APOO: variants seen among roughly 807,000 people sequenced by gnomAD.
APOO encodes apolipoprotein O.
A neutral mutation model predicts 23.1 loss-of-function variants in APOO; 11 were observed. That is an observed-to-expected ratio of 0.48 (90% CI 0.30 to 0.79). APOO has a LOEUF of 0.79. Ranked by LOEUF, APOO falls within the 30% of genes least tolerant of loss-of-function variation. APOO has a pLI of 0.07. For synonymous variants in APOO, 59 were observed against 54.8 expected (o/e 1.08, Z -0.34); for missense variants, 160 against 142.7 (o/e 1.12, Z -0.62).
At chrX:23,889,940 C>A (rs912589351) in intron 1 of APOO, among the ~76,000 whole-genome samples, 34 of 110,435 alleles carry the variant, frequency 3.1e-4, no homozygotes, top group Non-Finnish European at 3.8e-4. Flanking sequence ...GGATTACAGG[C>A]GTCAGCCACC....
At chrX:23,844,531 G>C (rs1324694278) in intron 7 of APOO, among the ~76,000 whole-genome samples, 1 of 111,117 alleles carries the variant, frequency 9.0e-6, no homozygotes, top group Non-Finnish European at 1.9e-5. Context: ...CAAACGACTT[G>C]CTGCAGGCTT....
chrX:23,854,638 A>G (rs1012497144), intron 7 of APOO, among the ~76,000 whole-genome samples: 2 of 110,659 alleles, frequency 1.8e-5, no homozygotes, highest in Non-Finnish European at 3.8e-5. Context: ...CTCCTGCCTC[A>G]GCCTCCTGAG....
At chrX:23,894,727 C>T (rs890483474) in intron 1 of APOO, among the ~76,000 whole-genome samples, 2 of 108,850 alleles carry the variant, frequency 1.8e-5, no homozygotes, top group African/African-American at 6.7e-5. Flanking sequence ...ACCCTGGAGG[C>T]GGAGGTTGCA....
chrX:23,887,274 G>A (rs1312662122), intron 1 of APOO, among the ~76,000 whole-genome samples: 1 of 75,092 alleles, frequency 1.3e-5, no homozygotes, highest in Non-Finnish European at 2.3e-5. Context: ...TCCCTCTGTC[G>A]CCAGGCTGGA....
intron 5 of APOO, among the ~76,000 whole-genome samples, chrX:23,863,645 A>C (rs1382855968): frequency 1.8e-5 from 2 of 111,161 alleles, no homozygotes; most frequent in Non-Finnish European, 3.8e-5. Flanking sequence ...GCTTTTTTGA[A>C]AGTGACTTAA....
At chrX:23,862,850 A>G (rs1264197551) in intron 5 of APOO, among the ~76,000 whole-genome samples, 2 of 72,982 alleles carry the variant, frequency 2.7e-5, no homozygotes, top group Non-Finnish European at 5.2e-5. Flanking sequence ...GGGAAGGGAG[A>G]AGGAGGGAGG....
chrX:23,905,040 T>C (rs1164541476), intron 1 of APOO, among the ~76,000 whole-genome samples: 1 of 110,621 alleles, frequency 9.0e-6, no homozygotes, highest in Non-Finnish European at 1.9e-5. Context: ...TACATTTTGG[T>C]GTCCTCCAAG....
intron 1 of APOO, 37 bp downstream of exon 1, chrX:23,907,657 G>A (rs1212997656): frequency 8.7e-7 from 1 of 1,149,764 alleles, no homozygotes; most frequent in Admixed American, 2.7e-5. Flanking sequence ...GGCCGGGAGG[G>A]GGCGGTGACA....
intron 8 of APOO, among the ~76,000 whole-genome samples, chrX:23,835,511 T>C (rs1013798476): frequency 1.8e-4 from 20 of 112,247 alleles, no homozygotes; most frequent in Admixed American, 1.9e-4. Context: ...AGGAATTTGA[T>C]AGATTTATTG....
At position 23,878,921 on chromosome X, in the gene APOO, C is replaced by T; in HGVS notation, c.231G>A (p.Trp77Ter). 8.3e-7 allele frequency: 1 copy of T among 1,209,975 alleles called. No homozygotes were observed. The highest frequency in any genetic ancestry group is 1.1e-6 in the Non-Finnish European group (1 of 894,424). ...ATTTTCAGAACAGTTGTACCTGACA[C>T]CAGGTTGTGTATGGCTCGCAATAGT... ...LRHYCEPYTT[W>*]CQETYSQTKP... The change falls in exon 3 of 9, where the codon TGG (tryptophan) becomes TGA (stop). Residue 77 changes from tryptophan (W) to a stop codon, truncating the protein, a stop_gained. Coordinates refer to ENST00000379226, the MANE Select transcript of APOO (RefSeq NM_024122.5). LOFTEE classifies it high-confidence loss of function.
chrX:23,865,711 C>T (rs1925306163), intron 5 of APOO, among the ~76,000 whole-genome samples: 1 of 110,757 alleles, frequency 9.0e-6, no homozygotes, highest in South Asian at 3.8e-4. Context: ...ACCATTCTGG[C>T]TACCCACAGA....
chrX:23,876,434 A>G (rs1925858420), intron 3 of APOO, among the ~76,000 whole-genome samples: 2 of 107,027 alleles, frequency 1.9e-5, no homozygotes, highest in South Asian at 4.0e-4. Context: ...AAAAAAAAAA[A>G]AAAAGAAAAA....
chrX:23,866,321 T>C (rs959275728), intron 5 of APOO, among the ~76,000 whole-genome samples: 3 of 111,934 alleles, frequency 2.7e-5, no homozygotes, highest in Non-Finnish European at 5.6e-5. Flanking sequence ...GGGAAAAATG[T>C]TGGTTCATAA....
intron 5 of APOO, among the ~76,000 whole-genome samples, chrX:23,863,487 A>T (rs996060325): frequency 7.1e-5 from 8 of 112,056 alleles, no homozygotes; most frequent in African/African-American, 2.6e-4. Flanking sequence ...ACTGACTCTC[A>T]CATCTACAAC....
chrX:23,875,470 G>T (rs1312163811), intron 3 of APOO, among the ~76,000 whole-genome samples: 2 of 101,337 alleles, frequency 2.0e-5, no homozygotes, highest in Non-Finnish European at 2.0e-5. Context: ...CCAGGCTGGA[G>T]TGCAGTGGCG....
chrX:23,854,588 T>C lies in APOO; in HGVS notation c.561+1714A>G, dbSNP rs1924696542. On this transcript the variant is annotated intron_variant, in intron 7 of 8. Coordinates refer to ENST00000379226, the MANE Select transcript of APOO (RefSeq NM_024122.5). ...CAGGCTAGAGTACAGTGGCGCAATC[T>C]TGGCTGACTGCAACCTCTGCCTCCT... Among the ~76,000 whole-genome samples the C allele has an allele frequency of 2.7e-5, 3 of 111,539 alleles. No individual in the cohort carries two copies. The Admixed American group carries it at 2.9e-4, about 11-fold the overall frequency.
chrX:23,858,858 T>G, intron 5 of APOO, 125 bp from the exon 6 acceptor site: 9 of 578,206 alleles, frequency 1.6e-5, no homozygotes, highest in Non-Finnish European at 1.8e-5. Context: ...CCAAAAGCTC[T>G]GGGAGGCCGA....
At chrX:23,837,978 T>TCTAC (rs1923777216) in intron 8 of APOO, among the ~76,000 whole-genome samples, 1 of 105,334 alleles carries the variant, frequency 9.5e-6, no homozygotes, top group Non-Finnish European at 1.9e-5. Context: ...TATCTATCTA[T>TCTAC]CTATCTATCT....
intron 5 of APOO, among the ~76,000 whole-genome samples, chrX:23,861,349 TGA>T (rs1925015805): frequency 9.1e-6 from 1 of 109,622 alleles, no homozygotes; most frequent in African/African-American, 3.3e-5. Flanking sequence ...TCTTGCCATG[TGA>T]GACACCAGCT....
Sources: gnomAD v4.1 joint callset for allele counts (sites outside exome capture counted in the v4.1 genomes callset) on GRCh38, gnomAD v4.1.1 for gene constraint, MANE v1.5 for transcripts, NCBI Gene and HGNC (gene_info 2026-07-23, HGNC 2026-07-21) for gene names.